TMC6: variants seen among roughly 807,000 people sequenced by gnomAD.
TMC6 encodes the protein transmembrane channel like 6.
In TMC6, 71 loss-of-function variants were observed where a neutral mutation model predicts 95.4. The ratio of observed to expected loss-of-function variants is 0.74; its 90% confidence interval spans 0.61 to 0.91. TMC6 has a LOEUF of 0.91. Among genes scored for constraint, TMC6 ranks in the 40% least tolerant of loss-of-function variants. TMC6 has a pLI of 0.00. For missense variants in TMC6, 1,074 were observed against 1,079.1 expected (o/e 1.00, Z 0.07); for synonymous variants, 514 against 483.1 (o/e 1.06, Z -0.84).
chr17:78,114,521 A>G (rs946564897), intron 18 of TMC6, among the ~76,000 whole-genome samples: 1 of 152,062 alleles, frequency 6.6e-6, no homozygotes, highest in East Asian at 1.9e-4. Flanking sequence ...AAATGTGACA[A>G]GCAGAGGGGG....
chr17:78,115,521 C>T (rs561928660), intron 18 of TMC6, among the ~76,000 whole-genome samples: 16 of 152,246 alleles, frequency 1.1e-4, no homozygotes, highest in African/African-American at 1.7e-4. Context: ...GGAGGGGCCT[C>T]GGGGAGGAGG....
At chr17:78,119,117 C>G in intron 14 of TMC6, 71 bp from the exon 15 acceptor site, 1 of 1,525,128 alleles carries the variant, frequency 6.6e-7, no homozygotes, top group Non-Finnish European at 8.9e-7. Context: ...TGGTTCCAGA[C>G]CACGGGCAGG....
chr17:78,125,661 C>A, intron 5 of TMC6, 65 bp downstream of exon 5: 1 of 1,543,266 alleles, frequency 6.5e-7, no homozygotes, highest in Non-Finnish European at 8.7e-7. Flanking sequence ...CCAGGCCAGG[C>A]TGGCCTCTTG....
chr17:78,117,822 G>A lies in TMC6; in HGVS notation c.2001C>T (p.Phe667=). ...CTCACTGCCAGACGGCGTAGCAGAG[G>A]AAGACAGCGGCGCCCAGGAAGGCGG... is the stretch of plus-strand genomic sequence containing the variant. ...CFPAFLGAAV[F]LCYAVWQVKP... The change falls in exon 16 of 20, where the codon TTC becomes TTT. Residue 667 remains phenylalanine, a synonymous_variant. Transcript: ENST00000590602. The A allele has an allele frequency of 6.2e-7, 1 of 1,607,652 alleles. No homozygotes were observed. The highest frequency in any genetic ancestry group is 8.5e-7 in the Non-Finnish European group (1 of 1,177,294).
At chr17:78,115,057 C>G (rs146260395) in intron 18 of TMC6, among the ~76,000 whole-genome samples, 1 of 152,360 alleles carries the variant, frequency 6.6e-6, no homozygotes, top group African/African-American at 2.4e-5. Context: ...AGCCAGACAA[C>G]CACCGCAGCC....
intron 8 of TMC6, 125 bp from the exon 9 acceptor site, chr17:78,124,304 G>A: frequency 1.4e-6 from 2 of 1,390,296 alleles, no homozygotes; most frequent in South Asian, 2.6e-5. Flanking sequence ...ACAGGGAGGG[G>A]CCTTGGCCAC....
Position 78,117,654 on chromosome 17 carries a change from A to T in TMC6, c.2022-10T>A, listed in dbSNP as rs2074196124. On this transcript the variant is annotated splice_polypyrimidine_tract_variant and intron_variant, in intron 16 of 19. Transcript: ENST00000590602. ...GCTCGAGGGCTTCACCCTGGGGAAG[A>T]TGCCGACCAGGAACCCTCACCCCGA... is the stretch of plus-strand genomic sequence containing the variant. The T allele has an allele frequency of 1.3e-6, 2 of 1,563,454 alleles. No individual in the cohort carries two copies. Among genetic ancestry groups the T allele is most frequent in the Non-Finnish European group, 1.7e-6 (2 of 1,154,702 alleles).
chr17:78,126,476 G>A, intron 3 of TMC6, 48 bp downstream of exon 3: 1 of 1,610,818 alleles, frequency 6.2e-7, no homozygotes, highest in Non-Finnish European at 8.5e-7. Context: ...AGGGGCTGGG[G>A]CACCCAAGTC....
Position 78,121,631 on chromosome 17 carries a change from A to G in TMC6, c.1308T>C (p.Leu436=), listed in dbSNP as rs539597804. The G allele has an allele frequency of 1.4e-5, 23 of 1,608,924 alleles. No homozygotes were observed. The East Asian group carries it at 4.2e-4, about 30-fold the overall frequency. Reference sequence around the variant, plus strand: ...CGGTCCCCAGACACAGCAGCCACACAAGCCCCAGCACAGCCGCCTGCCGCA... The same window carrying G: ...CGGTCCCCAGACACAGCAGCCACACGAGCCCCAGCACAGCCGCCTGCCGCA... ...GRLRQAAVLG[L]VWLLCLGTAL... The change falls in exon 11 of 20, where the codon CTT becomes CTC. Residue 436 remains leucine, a synonymous_variant. Transcript: ENST00000590602. The surrounding 1 kb of genome is among the most constrained non-coding windows in gnomAD (Gnocchi z 5.6).
Position 78,112,885 on chromosome 17 carries a change from TG to T in TMC6, c.*262del, listed in dbSNP as rs1464092193. On this transcript the variant is annotated 3_prime_UTR_variant, in exon 20 of 20. Transcript: ENST00000590602. ...AGGGCAGCGGGAAGCAGGCCCCGGGTGTGGTCACAGACACAGAGCCCCAAGG... is the reference window on the plus strand; with the variant it reads ...AGGGCAGCGGGAAGCAGGCCCCGGGTTGGTCACAGACACAGAGCCCCAAGG... The T allele has an allele frequency of 3.8e-6, 2 of 521,826 alleles. No homozygotes were observed. Among genetic ancestry groups the T allele is most frequent in the African/African-American group, 4.0e-5 (2 of 50,494 alleles). 32.3% of individuals were successfully genotyped at this position (521,826 alleles called of 1,614,324 possible).
chr17:78,116,599 G>C (rs1198078080), intron 18 of TMC6, among the ~76,000 whole-genome samples: 2 of 150,504 alleles, frequency 1.3e-5, no homozygotes, highest in Non-Finnish European at 3.0e-5. Flanking sequence ...TCATAAAAAT[G>C]TTTTGGCCAG....
chr17:78,115,005 C>A (rs1008052468), intron 18 of TMC6, among the ~76,000 whole-genome samples: 2 of 152,252 alleles, frequency 1.3e-5, no homozygotes, highest in African/African-American at 4.8e-5. Context: ...TCTGAAATGC[C>A]ACCCAGTAGG....
At chr17:78,131,635 C>T (rs1568011474), upstream of TMC6, 3 of 1,555,156 alleles carry the variant, frequency 1.9e-6, no homozygotes, top group Admixed American at 5.8e-5. Context: ...CCTGGGGTGC[C>T]GGAGCCGGAG....
At chr17:78,127,015 TCCCGCCCAC>T (rs1256898412) in intron 1 of TMC6, 109 bp from the exon 2 acceptor site, 1 of 693,404 alleles carries the variant, frequency 1.4e-6, no homozygotes, top group Non-Finnish European at 2.5e-6. Context: ...GCCCAGACAG[TCCCGCCCAC>T]CCCCCTATCA....
Position 78,117,344 on chromosome 17 carries a change from G to A in TMC6, c.2202C>T (p.Ala734=), listed in dbSNP as rs146402222. The part of the protein sequence containing the change: ...FVFLVSALLL[A]VIYLNIQVVR... Reference sequence around the variant, plus strand: ...CCACCTGGATGTTGAGGTAGATCACGGCCCTGCGGGAGAGGGGCTGTCGGG... The same window carrying A: ...CCACCTGGATGTTGAGGTAGATCACAGCCCTGCGGGAGAGGGGCTGTCGGG... Residue 734 remains alanine (A), a synonymous_variant, in exon 18 of 20, where the codon GCC becomes GCT. Coordinates refer to ENST00000590602, the MANE Select transcript of TMC6 (RefSeq NM_001127198.5). 26 of 1,613,238 alleles carry A rather than the reference G, an allele frequency of 1.6e-5. No homozygotes were observed. The highest frequency in any genetic ancestry group is 4.5e-5 in the East Asian group (2 of 44,892).
chr17:78,107,894 A>G lies in TMC6; in HGVS notation c.*5254T>C, dbSNP rs1249021955. On this transcript the variant is annotated 3_prime_UTR_variant, in exon 20 of 20. Coordinates refer to ENST00000590602, the MANE Select transcript of TMC6 (RefSeq NM_001127198.5). Reference sequence around the variant, plus strand: ...TGAGGATTTTTTGTGTTTCCTAGACATTTTATGCATCTATTTTTGTAAAAT... The same window carrying G: ...TGAGGATTTTTTGTGTTTCCTAGACGTTTTATGCATCTATTTTTGTAAAAT... 2.0e-5 allele frequency: 3 copies of G among 152,198 alleles called. No homozygotes were observed. Among genetic ancestry groups the G allele is most frequent in the East Asian group, 1.9e-4 (1 of 5,206 alleles). The allele number at this position is 152,198 out of a possible 1,614,324, so 9.4% of individuals were successfully genotyped here.
chr17:78,132,144 T>C (rs1004908382), upstream of TMC6: 1 of 1,485,020 alleles, frequency 6.7e-7, no homozygotes, highest in African/African-American at 1.4e-5. Flanking sequence ...CCCCGACCAA[T>C]CGGCCCCTCC....
rs2748428 is a variant in TMC6 at position 78,119,272 on chromosome 17, T to C, written c.1811+25A>G. On this transcript the variant is annotated intron_variant, in intron 14 of 19. Coordinates refer to ENST00000590602, the MANE Select transcript of TMC6 (RefSeq NM_001127198.5). ...GGGCACTGACCGAGGGGCCAGACAG[T>C]AGGAGGCAAGCAGAGGACCCTCACC... 0.56 allele frequency: 904,133 copies of C among 1,612,592 alleles called. 262,451 individuals are homozygous for C. Among genetic ancestry groups the C allele is most frequent in the East Asian group, 0.84 (37,859 of 44,868 alleles).
chr17:78,121,082 A>T lies in TMC6; in HGVS notation c.1466T>A (p.Leu489Gln). The change falls in exon 12 of 20, where the codon CTG becomes CAG. Residue 489 changes from leucine to glutamine, a missense_variant. Coordinates refer to ENST00000590602, the MANE Select transcript of TMC6 (RefSeq NM_001127198.5). The surrounding 1 kb of genome is among the most constrained non-coding windows in gnomAD (Gnocchi z 5.6). ...VGLLNLGAPYLCRVLAALEPH... is the reference protein window; with the variant it reads ...VGLLNLGAPYQCRVLAALEPH... ...CTCCAGGGCGGCCAGGACACGGCAC[A>T]GGTAGGGGGCCCCCAGGTTGAGGAG... The T allele has an allele frequency of 6.2e-7, 1 of 1,612,996 alleles. No individual in the cohort carries two copies. The highest frequency in any genetic ancestry group is 1.1e-5 in the South Asian group (1 of 91,078).
Sources: gnomAD v4.1 joint callset for allele counts (sites outside exome capture counted in the v4.1 genomes callset) on GRCh38, gnomAD v4.1.1 for gene constraint, Gnocchi (gnomAD v3.1) non-coding constraint, MANE v1.5 for transcripts, NCBI Gene and HGNC (gene_info 2026-07-23, HGNC 2026-07-21) for gene names.